CTNNA3: variants seen among roughly 807,000 people sequenced by gnomAD.
CTNNA3 encodes the protein catenin alpha 3.
Under a neutral mutation model 95.7 loss-of-function variants are expected in CTNNA3, and 76 were observed. The observed-to-expected ratio is 0.79, with a 90% CI of 0.66 to 0.96. The LOEUF (loss-of-function observed/expected upper bound fraction) is 0.96. Among genes scored for constraint, CTNNA3 ranks in the 40% least tolerant of loss-of-function variants. CTNNA3 has a pLI of 0.00. For missense variants in CTNNA3, 1,191 were observed against 1,089.8 expected (o/e 1.09, Z -1.31); for synonymous variants, 431 against 374.4 (o/e 1.15, Z -1.74).
chr10:67,655,159 C>A (rs1005013568), intron 1 of CTNNA3, among the ~76,000 whole-genome samples: 6 of 152,182 alleles, frequency 3.9e-5, no homozygotes, highest in African/African-American at 1.4e-4. Flanking sequence ...CACAGGTGTG[C>A]ACATTCATAT....
At chr10:66,627,089 G>T (rs766448954) in intron 9 of CTNNA3, among the ~76,000 whole-genome samples, 2 of 152,140 alleles carry the variant, frequency 1.3e-5, no homozygotes, top group Non-Finnish European at 2.9e-5. Context: ...ACATGTGTGG[G>T]TTAGCGTAGG....
At chr10:66,253,531 G>A (rs1346042208) in intron 13 of CTNNA3, among the ~76,000 whole-genome samples, 3 of 152,086 alleles carry the variant, frequency 2.0e-5, no homozygotes, top group Non-Finnish European at 4.4e-5. Flanking sequence ...GAACTCAGAA[G>A]GATATCTCAT....
At chr10:66,410,946 A>G (rs1055808350) in intron 11 of CTNNA3, among the ~76,000 whole-genome samples, 1 of 152,246 alleles carries the variant, frequency 6.6e-6, no homozygotes, top group Non-Finnish European at 1.5e-5. Flanking sequence ...ATAGAAGAGT[A>G]TAGAGATCTA....
rs537976073 is a variant in CTNNA3 at position 67,473,410 on chromosome 10, T to C, written c.579+48432A>G. 1.3e-3 allele frequency among the ~76,000 whole-genome samples: 198 copies of C among 152,244 alleles called. 1 individual carries two copies. The highest frequency in any genetic ancestry group is 4.7e-3 in the African/African-American group (194 of 41,552). On this transcript the variant is annotated intron_variant, in intron 5 of 17. Transcript: ENST00000433211. Reference sequence around the variant, plus strand: ...ATTCTCCATACTTGACTAAAAAAAATCCATAACATTTGTACTAAATATTAG... The same window carrying C: ...ATTCTCCATACTTGACTAAAAAAAACCCATAACATTTGTACTAAATATTAG...
chr10:66,505,018 A>G (rs1840403177), intron 11 of CTNNA3, among the ~76,000 whole-genome samples: 1 of 152,208 alleles, frequency 6.6e-6, no homozygotes, highest in African/African-American at 2.4e-5. Context: ...TAAGATTATT[A>G]ATCATTACTC....
At position 66,089,616 on chromosome 10, in the gene CTNNA3, T is replaced by C. The variant is rs2133686676; in HGVS notation, c.1977+13541A>G. On this transcript the variant is annotated intron_variant, in intron 14 of 17. Transcript: ENST00000433211. Reference sequence around the variant, plus strand: ...AAGTTACTGTTCTTTATAAACACTATATTTTAATAGAACAGACCATGTGTT... The same window carrying C: ...AAGTTACTGTTCTTTATAAACACTACATTTTAATAGAACAGACCATGTGTT... Among the ~76,000 whole-genome samples the C allele has an allele frequency of 2.0e-5, 3 of 152,114 alleles. No individual in the cohort carries two copies. In the South Asian group the frequency reaches 6.2e-4, roughly 32 times the overall value.
chr10:67,728,561 C>G (rs1028749805), intron 1 of CTNNA3, among the ~76,000 whole-genome samples: 1 of 151,596 alleles, frequency 6.6e-6, no homozygotes, highest in African/African-American at 2.4e-5. Context: ...CAGGTTCAAG[C>G]GATTCCAGGT....
chr10:67,447,267 A>G (rs1322675484), intron 5 of CTNNA3, among the ~76,000 whole-genome samples: 1 of 152,208 alleles, frequency 6.6e-6, no homozygotes, highest in African/African-American at 2.4e-5. Flanking sequence ...GTTATTGTTT[A>G]TCTTAAAACA....
chr10:67,478,858 A>C (rs1848114606), intron 5 of CTNNA3, among the ~76,000 whole-genome samples: 1 of 150,582 alleles, frequency 6.6e-6, no homozygotes, highest in Non-Finnish European at 1.5e-5. Flanking sequence ...AAAAAAAAAA[A>C]CAAGACCTAT....
At chr10:67,650,254 G>C (rs945423412) in intron 1 of CTNNA3, among the ~76,000 whole-genome samples, 2 of 152,194 alleles carry the variant, frequency 1.3e-5, no homozygotes, top group Non-Finnish European at 2.9e-5. Flanking sequence ...TGGATGAATA[G>C]AAATGATGAG....
chr10:66,236,074 GAGA>G (rs2089840696), intron 13 of CTNNA3, among the ~76,000 whole-genome samples: 1 of 152,094 alleles, frequency 6.6e-6, no homozygotes, highest in South Asian at 2.1e-4. Flanking sequence ...TAGTCTCATT[GAGA>G]AGAAGACAAA....
intron 5 of CTNNA3, among the ~76,000 whole-genome samples, chr10:67,286,854 C>T (rs1839623064): frequency 6.6e-6 from 1 of 152,172 alleles, no homozygotes; most frequent in Admixed American, 6.5e-5. Context: ...AAAATACTAG[C>T]TGTCTCAACT....
At chr10:67,234,587 C>A (rs1461714150) in intron 5 of CTNNA3, among the ~76,000 whole-genome samples, 1 of 151,966 alleles carries the variant, frequency 6.6e-6, no homozygotes, top group East Asian at 1.9e-4. Context: ...GAAGCATTCC[C>A]TTTGAAAACT....
intron 5 of CTNNA3, chr10:67,346,785 A>C: frequency 2.2e-6 from 1 of 453,736 alleles, no homozygotes; most frequent in Non-Finnish European, 4.4e-6. Context: ...AGCCTTAAAG[A>C]GTGTCAAGAT....
intron 7 of CTNNA3, among the ~76,000 whole-genome samples, chr10:66,987,774 CATG>C (rs1353477105): frequency 1.3e-5 from 2 of 152,104 alleles, no homozygotes; most frequent in African/African-American, 4.8e-5. Flanking sequence ...GAATTTAGCT[CATG>C]ATAACTAAAT....
intron 15 of CTNNA3, among the ~76,000 whole-genome samples, chr10:66,010,416 C>T (rs889484322): frequency 2.0e-5 from 3 of 151,060 alleles, no homozygotes; most frequent in African/African-American, 7.3e-5. Flanking sequence ...TTTAGACCAA[C>T]AAAAAACAAA....
intron 13 of CTNNA3, among the ~76,000 whole-genome samples, chr10:66,239,368 T>C (rs2090004104): frequency 6.6e-6 from 1 of 151,930 alleles, no homozygotes; most frequent in Admixed American, 6.6e-5. Context: ...TAAGGTATGA[T>C]TATGCCCAAT....
At chr10:67,122,584 T>C (rs956918804) in intron 7 of CTNNA3, among the ~76,000 whole-genome samples, 3 of 152,158 alleles carry the variant, frequency 2.0e-5, no homozygotes, top group Admixed American at 6.6e-5. Flanking sequence ...TGAATCTATC[T>C]TGTTCATAAC....
At chr10:66,556,409 C>A (rs963270356) in intron 10 of CTNNA3, among the ~76,000 whole-genome samples, 7 of 151,966 alleles carry the variant, frequency 4.6e-5, no homozygotes. Flanking sequence ...GATTTCTGTA[C>A]CCCTATGTTT....
Sources: gnomAD v4.1 joint callset for allele counts (sites outside exome capture counted in the v4.1 genomes callset) on GRCh38, gnomAD v4.1.1 for gene constraint, MANE v1.5 for transcripts, NCBI Gene and HGNC (gene_info 2026-07-23, HGNC 2026-07-21) for gene names.